The following MAP3K21 variants were observed in gnomAD, a reference collection of about 807,000 sequenced individuals.
The protein encoded by MAP3K21 is mitogen-activated protein kinase kinase kinase 21.
A neutral mutation model predicts 86.1 loss-of-function variants in MAP3K21; 63 were observed. That is an observed-to-expected ratio of 0.73 (90% CI 0.60 to 0.90). The LOEUF is 0.90. Ranked by LOEUF, MAP3K21 falls within the 40% of genes least tolerant of loss-of-function variation. The pLI, the probability that MAP3K21 is intolerant of heterozygous loss-of-function variation, is 0.00. For synonymous variants in MAP3K21, 558 were observed against 564.8 expected (o/e 0.99, Z 0.17); for missense variants, 1,220 against 1,367.7 (o/e 0.89, Z 1.70).
In MAP3K21 at chr1:233,376,594, G is replaced by A. The variant is rs79538526; in HGVS notation, c.1924+67G>A. Reference sequence around the variant, plus strand: ...TGGCATCTGATTGTGCTGAAGCTTTGCTTTTACAGTCTTACGTGGTCATTA... The same window carrying A: ...TGGCATCTGATTGTGCTGAAGCTTTACTTTTACAGTCTTACGTGGTCATTA... On this transcript the variant is annotated intron_variant, in intron 8 of 9. Transcript: ENST00000366624. 3.4e-3 allele frequency: 3,784 copies of A among 1,123,248 alleles called. 64 individuals are homozygous for A. In the African/African-American group the frequency reaches 0.043, roughly 13 times the overall value. The allele number at this position is 1,123,248 out of a possible 1,614,324, so 69.6% of individuals were successfully genotyped here.
At chr1:233,369,192 A>G (rs540025541) in intron 5 of MAP3K21, among the ~76,000 whole-genome samples, 2 of 145,282 alleles carry the variant, frequency 1.4e-5, no homozygotes, top group African/African-American at 2.6e-5. Context: ...CCTGGGCAAC[A>G]CGGTGAAACC....
At chr1:233,381,724 AT>A (rs1663919769) in intron 9 of MAP3K21, among the ~76,000 whole-genome samples, 1 of 152,232 alleles carries the variant, frequency 6.6e-6, no homozygotes. Flanking sequence ...TCTCTAACTT[AT>A]AAGCCAATAA....
Position 233,379,422 on chromosome 1 carries a change from T to G in MAP3K21, c.2416T>G (p.Ser806Ala), listed in dbSNP as rs779554879. Residue 806 changes from serine to alanine, a missense_variant, in exon 9 of 10, where the codon TCT becomes GCT. Ser to Ala is a moderately conservative substitution (Grantham distance 99, BLOSUM62 1). Coordinates refer to ENST00000366624, the MANE Select transcript of MAP3K21 (RefSeq NM_032435.3). ...SSALGILSTPSFSTKCLLQMD... is the reference protein window; with the variant it reads ...SSALGILSTPAFSTKCLLQMD... ...TGCCCTGGGCATCCTCTCCACACCT[T>G]CTTTCTCCACAAAGTGCCTGCTGCA... 6.2e-7 allele frequency: 1 copy of G among 1,614,054 alleles called. No homozygotes were observed. The highest frequency in any genetic ancestry group is 1.3e-5 in the African/African-American group (1 of 74,926).
At chr1:233,380,061 C>T (rs1457660913) in intron 9 of MAP3K21, among the ~76,000 whole-genome samples, 5 of 152,194 alleles carry the variant, frequency 3.3e-5, no homozygotes, top group African/African-American at 9.7e-5. Context: ...ACTGGCCTCT[C>T]GCCTCCCTGC....
In MAP3K21 at chr1:233,328,856, G is replaced by T. The variant is rs1463022289; in HGVS notation, c.805+23G>T. On this transcript the variant is annotated intron_variant, in intron 1 of 9. Coordinates refer to ENST00000366624, the MANE Select transcript of MAP3K21 (RefSeq NM_032435.3). This position sits in a 1 kb window ranked among gnomAD's most constrained non-coding sequence, Gnocchi z 8.7. ...ACAGTAAGTGGGGCCAGAGGGAGGT[G>T]GGGGAAGACTACCTCCGTGCCAGCC... is the stretch of plus-strand genomic sequence containing the variant. The T allele has an allele frequency of 6.7e-6, 10 of 1,482,828 alleles. No individual in the cohort carries two copies. Among genetic ancestry groups the T allele is most frequent in the African/African-American group, 1.4e-5 (1 of 69,036 alleles). The allele number at this position is 1,482,828 out of a possible 1,614,324, so 91.9% of individuals were successfully genotyped here.
chr1:233,372,552 C>A, intron 6 of MAP3K21: 1 of 219,686 alleles, frequency 4.6e-6, no homozygotes. Context: ...TTCTTTGTTT[C>A]GTGAGGGGAA....
chr1:233,352,397 T>TA (rs1663266829), intron 2 of MAP3K21, among the ~76,000 whole-genome samples: 1 of 152,066 alleles, frequency 6.6e-6, no homozygotes, highest in South Asian at 2.1e-4. Flanking sequence ...TACAGTGCGT[T>TA]AAAACAGGGG....
chr1:233,358,806 T>A (rs1183794009), intron 4 of MAP3K21, among the ~76,000 whole-genome samples: 2 of 146,728 alleles, frequency 1.4e-5, no homozygotes, highest in Non-Finnish European at 3.0e-5. Flanking sequence ...AAAAAAAAAA[T>A]TATTATTATT....
chr1:233,381,077 AGTT>A, intron 9 of MAP3K21, among the ~76,000 whole-genome samples: 1 of 152,306 alleles, frequency 6.6e-6, no homozygotes, highest in Admixed American at 6.5e-5. Flanking sequence ...TTCAAGTTCT[AGTT>A]GTACTATTTG....
intron 2 of MAP3K21, 55 bp from the exon 3 acceptor site, chr1:233,353,752 C>G: frequency 6.9e-7 from 1 of 1,441,542 alleles, no homozygotes. Context: ...CTAAGTGTGT[C>G]ATAAGGAAAA....
intron 2 of MAP3K21, among the ~76,000 whole-genome samples, chr1:233,351,696 CAAAAA>C (rs10710526): frequency 8.5e-6 from 1 of 117,102 alleles, no homozygotes; most frequent in Non-Finnish European, 1.8e-5. Flanking sequence ...GATTCCATCT[CAAAAA>C]AAAAAAAAAA....
At chr1:233,366,957 T>C (rs1663588179) in intron 5 of MAP3K21, among the ~76,000 whole-genome samples, 1 of 152,210 alleles carries the variant, frequency 6.6e-6, no homozygotes, top group Non-Finnish European at 1.5e-5. Context: ...AACAATACTT[T>C]GTGATTATGT....
intron 2 of MAP3K21, among the ~76,000 whole-genome samples, chr1:233,347,304 A>G (rs983077292): frequency 3.0e-4 from 45 of 152,244 alleles, no homozygotes; most frequent in African/African-American, 1.1e-3. Context: ...TATAGATTGC[A>G]TCATCTAAAG....
At chr1:233,354,093 G>A (rs1663302637) in intron 3 of MAP3K21, 138 bp downstream of exon 3, 1 of 1,050,796 alleles carries the variant, frequency 9.5e-7, no homozygotes, top group Admixed American at 3.5e-5. Flanking sequence ...TTTAAGAATT[G>A]GAAACCTAGT....
At chr1:233,367,201 A>G (rs2102761609) in intron 5 of MAP3K21, among the ~76,000 whole-genome samples, 1 of 152,304 alleles carries the variant, frequency 6.6e-6, no homozygotes, top group East Asian at 1.9e-4. Flanking sequence ...GCCTGCAAAA[A>G]CCATCTACCT....
intron 1 of MAP3K21, among the ~76,000 whole-genome samples, chr1:233,339,282 C>CTTCCTG (rs1662980502): frequency 1.3e-4 from 9 of 68,902 alleles, no homozygotes; most frequent in African/African-American, 1.9e-4. Flanking sequence ...TCTTCTTCTT[C>CTTCCTG]TTCTTCTTCC....
chr1:233,367,138 T>C (rs1663592333), intron 5 of MAP3K21, among the ~76,000 whole-genome samples: 1 of 152,200 alleles, frequency 6.6e-6, no homozygotes, highest in South Asian at 2.1e-4. Flanking sequence ...CAAAAGTTGG[T>C]ATGTCACTAA....
intron 1 of MAP3K21, among the ~76,000 whole-genome samples, chr1:233,338,753 C>T (rs1475597471): frequency 6.6e-6 from 1 of 152,140 alleles, no homozygotes; most frequent in Non-Finnish European, 1.5e-5. Context: ...GTCTTGGGGG[C>T]CCTACAGGGT....
intron 3 of MAP3K21, among the ~76,000 whole-genome samples, chr1:233,354,455 C>T (rs1663309395): frequency 6.6e-6 from 1 of 152,144 alleles, no homozygotes; most frequent in South Asian, 2.1e-4. Context: ...GTGGATATAA[C>T]ATTTTAGAGG....
Sources: allele counts gnomAD v4.1 joint callset (sites outside exome capture counted in the v4.1 genomes callset), GRCh38; gene constraint gnomAD v4.1.1; non-coding constraint Gnocchi (gnomAD v3.1); transcripts MANE v1.5; gene names NCBI Gene and HGNC (gene_info 2026-07-23, HGNC 2026-07-21).